The following ST6GALNAC3 variants were observed in gnomAD, a reference collection of about 807,000 sequenced individuals.
The protein encoded by ST6GALNAC3 is ST6 N-acetylgalactosaminide alpha-2,6-sialyltransferase 3, also known as alpha-N-acetylgalactosaminide alpha-2,6-sialyltransferase 3.
In ST6GALNAC3, 25 loss-of-function variants were observed where a neutral mutation model predicts 32.7. That is an observed-to-expected ratio of 0.76 (90% confidence interval 0.56 to 1.07). ST6GALNAC3 has a LOEUF of 1.07. Ranked by LOEUF, ST6GALNAC3 falls within the 50% of genes least tolerant of loss-of-function variation. The probability of loss-of-function intolerance (pLI) is 0.00; values close to 1 mark genes in which losing one functional copy is unlikely to be tolerated. For missense variants in ST6GALNAC3, 355 were observed against 382.4 expected, an observed-to-expected ratio of 0.93 and a Z score of 0.60; for synonymous variants, 129 against 133.1, an observed-to-expected ratio of 0.97 and a Z score of 0.21.
At chr1:76,108,502 A>G (rs996323213) in intron 1 of ST6GALNAC3, among the ~76,000 whole-genome samples, 1 of 152,228 alleles carries the variant, frequency 6.6e-6, no homozygotes, top group Non-Finnish European at 1.5e-5. Flanking sequence ...GAATAGAGAT[A>G]GAAACTCAGC....
intron 1 of ST6GALNAC3, among the ~76,000 whole-genome samples, chr1:76,113,554 C>T (rs2100814204): frequency 6.6e-6 from 1 of 151,304 alleles, no homozygotes; most frequent in African/African-American, 2.4e-5. Flanking sequence ...GATGGACACT[C>T]AGTGTGAATG....
At chr1:76,161,768 G>A (rs1651826834) in intron 1 of ST6GALNAC3, among the ~76,000 whole-genome samples, 1 of 152,136 alleles carries the variant, frequency 6.6e-6, no homozygotes, top group African/African-American at 2.4e-5. Flanking sequence ...GGCCTTAAAG[G>A]GACACCCATT....
chr1:76,238,613 A>C (rs79528336), intron 1 of ST6GALNAC3, among the ~76,000 whole-genome samples: 8,937 of 152,200 alleles, frequency 0.059, 356 homozygotes, highest in Middle Eastern at 0.12. Flanking sequence ...GCCTCTGTAG[A>C]CAATAGGCAG....
intron 1 of ST6GALNAC3, among the ~76,000 whole-genome samples, chr1:76,149,996 G>A (rs1479081685): frequency 6.6e-6 from 1 of 152,230 alleles, no homozygotes; most frequent in Non-Finnish European, 1.5e-5. Flanking sequence ...GGGACATGGT[G>A]GTGGAAAGAG....
intron 1 of ST6GALNAC3, among the ~76,000 whole-genome samples, chr1:76,141,445 G>A (rs1166721218): frequency 6.6e-6 from 1 of 152,134 alleles, no homozygotes; most frequent in Non-Finnish European, 1.5e-5. Context: ...GGTCCTGCAA[G>A]TCCCCATTAA....
intron 1 of ST6GALNAC3, among the ~76,000 whole-genome samples, chr1:76,106,841 C>G (rs1647565954): frequency 6.6e-6 from 1 of 152,184 alleles, no homozygotes; most frequent in Non-Finnish European, 1.5e-5. Context: ...CTTTCCTTCC[C>G]TAGGCTCACT....
At chr1:76,347,498 TTA>T (rs138842084) in intron 2 of ST6GALNAC3, among the ~76,000 whole-genome samples, 4 of 151,182 alleles carry the variant, frequency 2.6e-5, no homozygotes, top group East Asian at 1.9e-4. Context: ...GAGAATAAGT[TTA>T]TATATATATA....
chr1:76,530,699 A>G (rs1663198620), intron 3 of ST6GALNAC3, among the ~76,000 whole-genome samples: 1 of 152,120 alleles, frequency 6.6e-6, no homozygotes, highest in Non-Finnish European at 1.5e-5. Context: ...GTCTCTTGAA[A>G]CTTAAAGGAT....
At chr1:76,542,403 G>A (rs996163062) in intron 3 of ST6GALNAC3, among the ~76,000 whole-genome samples, 1 of 152,076 alleles carries the variant, frequency 6.6e-6, no homozygotes, top group African/African-American at 2.4e-5. Flanking sequence ...TATAGTAAGG[G>A]CTCAAAAAAT....
chr1:76,114,418 C>T (rs902424571), intron 1 of ST6GALNAC3, among the ~76,000 whole-genome samples: 1 of 152,084 alleles, frequency 6.6e-6, no homozygotes, highest in African/African-American at 2.4e-5. Flanking sequence ...TGAACCAGGT[C>T]CAGGGTAGTG....
At chr1:76,549,636 C>T (rs534000341) in intron 3 of ST6GALNAC3, among the ~76,000 whole-genome samples, 3 of 152,234 alleles carry the variant, frequency 2.0e-5, no homozygotes, top group African/African-American at 7.2e-5. Context: ...GGTAATGCCA[C>T]ATACAATTAA....
chr1:76,299,974 C>T (rs1660634155), intron 1 of ST6GALNAC3, among the ~76,000 whole-genome samples: 1 of 151,882 alleles, frequency 6.6e-6, no homozygotes, highest in African/African-American at 2.4e-5. Flanking sequence ...ATTTAAAATT[C>T]CCATTGTGAG....
At chr1:76,561,043 G>T (rs2100428094) in intron 3 of ST6GALNAC3, among the ~76,000 whole-genome samples, 1 of 152,300 alleles carries the variant, frequency 6.6e-6, no homozygotes, top group African/African-American at 2.4e-5. Flanking sequence ...CCTGTCATTT[G>T]CAGCAACACG....
chr1:76,566,795 C>T (rs570282599), intron 3 of ST6GALNAC3, among the ~76,000 whole-genome samples: 5 of 152,308 alleles, frequency 3.3e-5, no homozygotes, highest in Non-Finnish European at 7.4e-5. Flanking sequence ...AAATATATTA[C>T]ATGAGAGGAG....
At chr1:76,093,301 A>T (rs1220841505) in intron 1 of ST6GALNAC3, among the ~76,000 whole-genome samples, 1 of 152,208 alleles carries the variant, frequency 6.6e-6, no homozygotes, top group African/African-American at 2.4e-5. Flanking sequence ...GGGGACACTT[A>T]ATTACCACGT....
intron 3 of ST6GALNAC3, among the ~76,000 whole-genome samples, chr1:76,609,033 AG>A (rs2100659634): frequency 6.6e-6 from 1 of 152,310 alleles, no homozygotes; most frequent in East Asian, 1.9e-4. Flanking sequence ...TCTGGTTATA[AG>A]AGAAAATTAT....
intron 1 of ST6GALNAC3, among the ~76,000 whole-genome samples, chr1:76,213,914 A>G (rs1655315344): frequency 6.6e-6 from 1 of 152,230 alleles, no homozygotes; most frequent in Admixed American, 6.5e-5. Flanking sequence ...TGACCACTGC[A>G]TCATTTGTGA....
At chr1:76,563,625 T>G (rs1204520921) in intron 3 of ST6GALNAC3, among the ~76,000 whole-genome samples, 1 of 152,192 alleles carries the variant, frequency 6.6e-6, no homozygotes, top group Non-Finnish European at 1.5e-5. Context: ...TATTTTACAT[T>G]AAATTATCAT....
intron 3 of ST6GALNAC3, among the ~76,000 whole-genome samples, chr1:76,455,816 T>C (rs959134102): frequency 6.6e-6 from 1 of 152,144 alleles, no homozygotes; most frequent in Admixed American, 6.6e-5. Flanking sequence ...TAAATGAAAA[T>C]TGCTTGAATT....
Sources: allele counts gnomAD v4.1 joint callset (sites outside exome capture counted in the v4.1 genomes callset), GRCh38; gene constraint gnomAD v4.1.1; transcripts MANE v1.5; gene names NCBI Gene and HGNC (gene_info 2026-07-23, HGNC 2026-07-21).